ZNF287: variants seen among roughly 807,000 people sequenced by gnomAD.
ZNF287 encodes zinc finger protein 287.
Under a neutral mutation model 73.7 loss-of-function variants are expected in ZNF287, and 31 were observed. The observed-to-expected ratio is 0.42, with a 90% confidence interval of 0.32 to 0.57. The LOEUF (loss-of-function observed/expected upper bound fraction) is 0.57, where lower values mean the gene tolerates loss of function less well. Among genes scored for constraint, ZNF287 ranks in the 20% least tolerant of loss-of-function variants. The pLI is 0.13. For missense variants in ZNF287, 641 were observed against 909.3 expected (o/e 0.70, Z 3.79); for synonymous variants, 301 against 307.2 (o/e 0.98, Z 0.21).
intron 5 of ZNF287, among the ~76,000 whole-genome samples, chr17:16,560,310 G>GTATATATA (rs71152817): frequency 4.4e-5 from 5 of 112,880 alleles, no homozygotes; most frequent in African/African-American, 1.9e-4. Context: ...CAACAGTGGT[G>GTATATATA]TATATATATA....
chr17:16,560,570 G>C (rs1225943723), intron 5 of ZNF287, among the ~76,000 whole-genome samples: 1 of 150,922 alleles, frequency 6.6e-6, no homozygotes, highest in Non-Finnish European at 1.5e-5. Flanking sequence ...GGCTGGTCTT[G>C]AACTCCTGAC....
intron 5 of ZNF287, among the ~76,000 whole-genome samples, chr17:16,560,388 T>C (rs1457313402): frequency 4.7e-5 from 7 of 150,214 alleles, no homozygotes; most frequent in South Asian, 2.1e-4. Flanking sequence ...CTAGCTCTGT[T>C]GCCCAGGCTG....
chr17:16,550,760 A>G lies in ZNF287; in HGVS notation c.*1096T>C, dbSNP rs1412468549. Reference sequence around the variant, plus strand: ...ACACTCAAGAAACGTGTTTCAGTGGAAGAAATGAACTTTCCATAGTAAAAC... The same window carrying G: ...ACACTCAAGAAACGTGTTTCAGTGGGAGAAATGAACTTTCCATAGTAAAAC... On this transcript the variant is annotated 3_prime_UTR_variant, in exon 6 of 6. Coordinates refer to ENST00000395825, the MANE Select transcript of ZNF287 (RefSeq NM_020653.4). Among the ~76,000 whole-genome samples, 8 of 152,202 alleles carry G rather than the reference A, an allele frequency of 5.3e-5. No individual in the cohort carries two copies. Among genetic ancestry groups the G allele is most frequent in the Non-Finnish European group, 8.8e-5 (6 of 68,038 alleles).
In ZNF287 at chr17:16,552,320, T is replaced by C. The variant is rs767596752; in HGVS notation, c.1822A>G (p.Thr608Ala). 21 of 1,613,856 alleles carry C rather than the reference T, an allele frequency of 1.3e-5. No individual in the cohort carries two copies. Among genetic ancestry groups the C allele is most frequent in the Non-Finnish European group, 1.6e-5 (19 of 1,179,972 alleles). Residue 608 changes from threonine (T) to alanine (A), a missense_variant, in exon 6 of 6, where the codon ACT becomes GCT. Thr to Ala is a moderately conservative substitution (Grantham distance 58). Transcript: ENST00000395825. The surrounding 1 kb of genome is among the most constrained non-coding windows in gnomAD (Gnocchi z 6.5). ...GKAFSQSANLTQHHRTHTGEK... is the reference protein window; with the variant it reads ...GKAFSQSANLAQHHRTHTGEK... ...CCAGTATGTGTTCTATGATGTTGAG[T>C]AAGATTTGCACTCTGGCTGAAGGCT...
chr17:16,553,043 G>C lies in ZNF287; in HGVS notation c.1099C>G (p.Pro367Ala). ...TTCCCACACACATTACACTTGTAAG[G>C]CTTCTCTCCAGGAAGTATTTTCCTA... The part of the protein sequence containing the change: ...VHRKILPGEK[P>A]YKCNVCGKKF... The change falls in exon 6 of 6, where the codon CCT becomes GCT. Residue 367 changes from proline (P) to alanine (A), a missense_variant. By Grantham distance (27) the Pro-to-Ala change is conservative (BLOSUM62 -1). Around this residue, in one of 2 missense-constraint regions of ZNF287, gnomAD observed 357 missense variants for 442.4 expected, o/e 0.81. Transcript: ENST00000395825. The C allele has an allele frequency of 6.2e-7, 1 of 1,614,130 alleles. No individual in the cohort carries two copies. The highest frequency in any genetic ancestry group is 8.5e-7 in the Non-Finnish European group (1 of 1,180,014).
rs781459477 is a variant in ZNF287, at chr17:16,559,670, G to C, written c.715+3476C>G. ...AAACAGTGAATACGCTTATGGCCCA[G>C]ATCTTGGTTTCTAAGTACCATTCCC... On this transcript the variant is annotated intron_variant, in intron 5 of 5. Transcript: ENST00000395825. 7.9e-5 allele frequency among the ~76,000 whole-genome samples: 12 copies of C among 152,102 alleles called. No homozygotes were observed. In the South Asian group the frequency reaches 8.3e-4, roughly 11 times the overall value.
At position 16,551,649 on chromosome 17, in the gene ZNF287, T is replaced by C; in HGVS notation, c.*207A>G. On this transcript the variant is annotated 3_prime_UTR_variant, in exon 6 of 6. Transcript: ENST00000395825. Reference sequence around the variant, plus strand: ...CTTTCTGTAATGAATTAAAATCATATCAAATTAAGGTTAAGAAGTCAAGTT... The same window carrying C: ...CTTTCTGTAATGAATTAAAATCATACCAAATTAAGGTTAAGAAGTCAAGTT... The C allele has an allele frequency of 2.0e-6, 1 of 506,236 alleles. No homozygotes were observed. Among genetic ancestry groups the C allele is most frequent in the East Asian group, 3.1e-5 (1 of 32,010 alleles). 31.4% of individuals were successfully genotyped at this position (506,236 alleles called of 1,614,324 possible). A position where few individuals can be genotyped will look rare whatever the true frequency, so the allele number is the denominator to read the frequency against.
chr17:16,559,320 G>A (rs1907271500), intron 5 of ZNF287: 1 of 151,956 alleles, frequency 6.6e-6, no homozygotes, highest in South Asian at 2.1e-4. Flanking sequence ...TATATTCTAA[G>A]GACAAAAAGG....
At chr17:16,555,871 T>C (rs999588632) in intron 5 of ZNF287, among the ~76,000 whole-genome samples, 1 of 152,152 alleles carries the variant, frequency 6.6e-6, no homozygotes, top group African/African-American at 2.4e-5. Context: ...ATAGCAAAAA[T>C]GGTACTAAAT....
At chr17:16,560,463 C>T (rs531663142) in intron 5 of ZNF287, among the ~76,000 whole-genome samples, 204 of 151,472 alleles carry the variant, frequency 1.3e-3, no homozygotes, top group African/African-American at 4.9e-3. Flanking sequence ...GATTCTCCTG[C>T]CTCAGCCTCC....
rs1410029840 is a variant in ZNF287 at position 16,569,131 on chromosome 17, C to CAGCCCGGTCCTGAGA, written c.-393_-379dup. On this transcript the variant is annotated 5_prime_UTR_variant, in exon 1 of 6. Transcript: ENST00000395825. ...TGTCCCGGCCAGGAGCTGCACGTTC[C>CAGCCCGGTCCTGAGA]AGCCCGGTCCTGAGAAGCCCGGCCC... 3.3e-5 allele frequency: 5 copies of CAGCCCGGTCCTGAGA among 152,590 alleles called. No individual in the cohort carries two copies. The highest frequency in any genetic ancestry group is 7.3e-5 in the Non-Finnish European group (5 of 68,226). The allele number at this position is 152,590 out of a possible 1,614,324, so 9.5% of individuals were successfully genotyped here. A position where few individuals can be genotyped will look rare whatever the true frequency, so the allele number is the denominator to read the frequency against.
chr17:16,548,067 T>C lies in ZNF287; in HGVS notation c.*3789A>G, dbSNP rs1906381488. Reference sequence around the variant, plus strand: ...TTATACAAGAATGCCACTCAACAAGTGTAGAGTGATAGAATTAGAAAATTG... The same window carrying C: ...TTATACAAGAATGCCACTCAACAAGCGTAGAGTGATAGAATTAGAAAATTG... On this transcript the variant is annotated 3_prime_UTR_variant, in exon 6 of 6. Transcript: ENST00000395825. Among the ~76,000 whole-genome samples, 1 of 152,160 alleles carries C rather than the reference T, an allele frequency of 6.6e-6. No individual in the cohort carries two copies. Among genetic ancestry groups the C allele is most frequent in the South Asian group, 2.1e-4 (1 of 4,826 alleles).
intron 5 of ZNF287, among the ~76,000 whole-genome samples, chr17:16,560,696 T>C (rs1282401536): frequency 3.3e-5 from 5 of 151,980 alleles, no homozygotes; most frequent in African/African-American, 1.2e-4. Context: ...TTAGAAAAGA[T>C]GACTGCATTA....
At chr17:16,557,194 G>A (rs1169548492) in intron 5 of ZNF287, among the ~76,000 whole-genome samples, 1 of 152,146 alleles carries the variant, frequency 6.6e-6, no homozygotes, top group African/African-American at 2.4e-5. Flanking sequence ...TTCTGAAACA[G>A]ATCATTAAGC....
intron 5 of ZNF287, chr17:16,558,975 TCAA>T (rs1464930741): frequency 1.3e-5 from 2 of 151,346 alleles, no homozygotes; most frequent in Non-Finnish European, 2.9e-5. Context: ...AGACTCTGTC[TCAA>T]CAACAGCAAT....
chr17:16,555,575 C>T (rs142392048), intron 5 of ZNF287, among the ~76,000 whole-genome samples: 15 of 151,636 alleles, frequency 9.9e-5, no homozygotes, highest in Admixed American at 3.3e-4. Context: ...AAAGCATACA[C>T]AGATGTGCAT....
In ZNF287 at chr17:16,569,127, G is replaced by C. The variant is rs958634284; in HGVS notation, c.-374C>G. 1.3e-5 allele frequency: 2 copies of C among 152,406 alleles called. No homozygotes were observed. The highest frequency in any genetic ancestry group is 4.8e-5 in the African/African-American group (2 of 41,464). The allele number at this position is 152,406 out of a possible 1,614,324, so 9.4% of individuals were successfully genotyped here. Reference sequence around the variant, plus strand: ...AGAGTGTCCCGGCCAGGAGCTGCACGTTCCAGCCCGGTCCTGAGAAGCCCG... The same window carrying C: ...AGAGTGTCCCGGCCAGGAGCTGCACCTTCCAGCCCGGTCCTGAGAAGCCCG... On this transcript the variant is annotated 5_prime_UTR_variant, in exon 1 of 6. Transcript: ENST00000395825.
chr17:16,564,995 C>T (rs79749144), intron 3 of ZNF287, among the ~76,000 whole-genome samples: 4,425 of 152,002 alleles, frequency 0.029, 221 homozygotes, highest in African/African-American at 0.1. Flanking sequence ...GATAGGATGA[C>T]AGGTGTGAGC....
chr17:16,549,085 TGTTAG>T lies in ZNF287; in HGVS notation c.*2766_*2770del, dbSNP rs1569009489. On this transcript the variant is annotated 3_prime_UTR_variant, in exon 6 of 6. Transcript: ENST00000395825. Reference sequence around the variant, plus strand: ...TTTGGTTAAAAAAAATACGGCAGAATGTTAGTTTTTAAATTTAGGTGGGTATATAG... The same window carrying T: ...TTTGGTTAAAAAAAATACGGCAGAATTTTTTAAATTTAGGTGGGTATATAG... Among the ~76,000 whole-genome samples the T allele has an allele frequency of 1.3e-5, 2 of 152,210 alleles. No individual in the cohort carries two copies. Among genetic ancestry groups the T allele is most frequent in the Non-Finnish European group, 2.9e-5 (2 of 68,032 alleles).
Sources: gnomAD v4.1 joint callset for allele counts (sites outside exome capture counted in the v4.1 genomes callset) on GRCh38, gnomAD v4.1.1 for gene constraint, gnomAD v4.1.1 regional missense constraint, Gnocchi (gnomAD v3.1) non-coding constraint, MANE v1.5 for transcripts, NCBI Gene and HGNC (gene_info 2026-07-23, HGNC 2026-07-21) for gene names.